Variants in VPS52 observed in about 807,000 individuals in gnomAD.
The protein encoded by VPS52 is vacuolar protein sorting-associated protein 52 homolog.
VPS52 carries 56 observed loss-of-function variants against 98.7 expected under a neutral mutation model. That is an observed-to-expected ratio of 0.57 (90% CI 0.46 to 0.71). The LOEUF is 0.71. Ranked by LOEUF, VPS52 falls within the 30% of genes least tolerant of loss-of-function variation. The pLI, the probability that VPS52 is intolerant of heterozygous loss-of-function variation, is 0.00. For missense variants in VPS52, 742 were observed against 925.9 expected (o/e 0.80, Z 2.58); for synonymous variants, 348 against 346.4 (o/e 1.00, Z -0.05).
chr6:33,271,127 T>A (rs1200427567), intron 1 of VPS52: 1 of 426,066 alleles, frequency 2.3e-6, no homozygotes, highest in Non-Finnish European at 4.2e-6. Context: ...TCAAAACACA[T>A]AGTGTTTACC....
At chr6:33,260,573 G>C (rs1445625837) in intron 17 of VPS52, among the ~76,000 whole-genome samples, 1 of 152,082 alleles carries the variant, frequency 6.6e-6, no homozygotes, top group African/African-American at 2.4e-5. Context: ...TCGTGCACAG[G>C]TACTCGTTGA....
At chr6:33,271,438 G>A (rs1765061028) in intron 1 of VPS52, 148 bp downstream of exon 1, 2 of 1,181,800 alleles carry the variant, frequency 1.7e-6, no homozygotes, top group African/African-American at 1.5e-5. Flanking sequence ...TCAGGGTCGG[G>A]TCTGATCACA....
chr6:33,257,423 G>A lies in VPS52; in HGVS notation c.1795-5452C>T, dbSNP rs1414221192. Among the ~76,000 whole-genome samples the A allele has an allele frequency of 4.0e-5, 6 of 149,636 alleles. No homozygotes were observed. In the East Asian group the frequency reaches 7.8e-4, roughly 19 times the overall value. On this transcript the variant is annotated intron_variant, in intron 17 of 19. Coordinates refer to ENST00000445902, the MANE Select transcript of VPS52 (RefSeq NM_022553.6). ...AATTTCATTTTTTTTTTTTTTAAACGGAGTCTCACTCTATCACCAGTCTGG... is the reference window on the plus strand; with the variant it reads ...AATTTCATTTTTTTTTTTTTTAAACAGAGTCTCACTCTATCACCAGTCTGG...
intron 1 of VPS52, 97 bp from the exon 2 acceptor site, chr6:33,270,380 C>T: frequency 8.7e-7 from 1 of 1,155,370 alleles, no homozygotes; most frequent in Non-Finnish European, 1.2e-6. Context: ...GAAGGAGCTG[C>T]TTTTACTGGG....
intron 17 of VPS52, among the ~76,000 whole-genome samples, chr6:33,259,557 C>T (rs1292120879): frequency 2.0e-5 from 3 of 151,940 alleles, no homozygotes; most frequent in Non-Finnish European, 4.4e-5. Context: ...ATCCCTAATC[C>T]AATAATCTGA....
At position 33,268,738 on chromosome 6, in the gene VPS52, C is replaced by A; in HGVS notation, c.549-89G>T. 7.2e-7 allele frequency: 1 copy of A among 1,397,598 alleles called. No individual in the cohort carries two copies. 86.6% of individuals were successfully genotyped at this position (1,397,598 alleles called of 1,614,324 possible). A position where few individuals can be genotyped will look rare whatever the true frequency, so the allele number is the denominator to read the frequency against. On this transcript the variant is annotated intron_variant, in intron 6 of 19. Coordinates refer to ENST00000445902, the MANE Select transcript of VPS52 (RefSeq NM_022553.6). The surrounding 1 kb of genome is among the most constrained non-coding windows in gnomAD (Gnocchi z 4.0). ...AGACCACACTCCTTACCTCCAGCCCCTGTCATCTCTACCACCTTGCATTGT... is the reference window on the plus strand; with the variant it reads ...AGACCACACTCCTTACCTCCAGCCCATGTCATCTCTACCACCTTGCATTGT...
At chr6:33,269,703 C>G (rs1764761521) in intron 4 of VPS52, 41 bp downstream of exon 4, 1 of 1,601,616 alleles carries the variant, frequency 6.2e-7, no homozygotes, top group African/African-American at 1.3e-5. Flanking sequence ...CACAAAATCC[C>G]CATGTCAATA....
chr6:33,254,714 C>T (rs112834320), intron 17 of VPS52: 1 of 151,844 alleles, frequency 6.6e-6, no homozygotes, highest in Non-Finnish European at 1.5e-5. Context: ...GCTCCATCAC[C>T]CACGCTGGAG....
In VPS52 at chr6:33,251,723, C is replaced by T; in HGVS notation, c.1907-87G>A. Reference sequence around the variant, plus strand: ...CTCCCCAAGGTATAGCCATCCTTATCATCAAACCCTCTTTTCTGGTATTCT... The same window carrying T: ...CTCCCCAAGGTATAGCCATCCTTATTATCAAACCCTCTTTTCTGGTATTCT... On this transcript the variant is annotated intron_variant, in intron 18 of 19. Coordinates refer to ENST00000445902, the MANE Select transcript of VPS52 (RefSeq NM_022553.6). 4.3e-6 allele frequency: 6 copies of T among 1,404,114 alleles called. No homozygotes were observed. The South Asian group carries it at 7.2e-5, about 17-fold the overall frequency. The allele number at this position is 1,404,114 out of a possible 1,614,324, so 87.0% of individuals were successfully genotyped here.
chr6:33,264,646 C>G (rs1764073935), intron 13 of VPS52, 136 bp downstream of exon 13: 1 of 1,415,922 alleles, frequency 7.1e-7, no homozygotes, highest in Non-Finnish European at 9.9e-7. Context: ...AAAAGCAGCA[C>G]TACTGCCTCC....
intron 15 of VPS52, 38 bp downstream of exon 15, chr6:33,263,956 ACCCACTGGAAGCAG>A: frequency 1.2e-6 from 2 of 1,613,460 alleles, no homozygotes; most frequent in Non-Finnish European, 1.7e-6. Context: ...CTCAGACTCC[ACCCACTGGAAGCAG>A]CCCTGCTGCT....
In VPS52 at chr6:33,269,076, C is replaced by T; in HGVS notation, c.486G>A (p.Gln162=). 1 of 1,612,950 alleles carries T rather than the reference C, an allele frequency of 6.2e-7. No homozygotes were observed. The highest frequency in any genetic ancestry group is 1.1e-5 in the South Asian group (1 of 91,064). Residue 162 remains glutamine (Q), a synonymous_variant, in exon 6 of 20, where the codon CAG becomes CAA. Transcript: ENST00000445902. ...GCTCCCCAAGTTTCCCCCGAACTGCCTGGCGATTTCGAAGTCGAATGTTCA... is the reference window on the plus strand; with the variant it reads ...GCTCCCCAAGTTTCCCCCGAACTGCTTGGCGATTTCGAAGTCGAATGTTCA... ...GAMNIRLRNR[Q]AVRGKLGELV... is the part of the protein sequence containing the mutation.
chr6:33,259,659 C>T (rs1331013337), intron 17 of VPS52, among the ~76,000 whole-genome samples: 1 of 151,928 alleles, frequency 6.6e-6, no homozygotes, highest in Non-Finnish European at 1.5e-5. Context: ...TTCAGATTTT[C>T]AGACTACAGA....
intron 17 of VPS52, among the ~76,000 whole-genome samples, chr6:33,254,135 G>A (rs1332378632): frequency 1.3e-5 from 2 of 152,082 alleles, no homozygotes; most frequent in Non-Finnish European, 2.9e-5. Context: ...TTAGCCAGGT[G>A]TGGTGGTGCA....
intron 17 of VPS52, among the ~76,000 whole-genome samples, chr6:33,253,185 G>C (rs1452225313): frequency 6.6e-6 from 1 of 152,102 alleles, no homozygotes; most frequent in Non-Finnish European, 1.5e-5. Context: ...ATCCTGATTT[G>C]AACCATAAAA....
intron 17 of VPS52, among the ~76,000 whole-genome samples, chr6:33,257,584 A>G (rs1763136616): frequency 6.6e-6 from 1 of 152,072 alleles, no homozygotes; most frequent in Non-Finnish European, 1.5e-5. Context: ...TATTTTTAGT[A>G]GAGACGAGGT....
At chr6:33,252,326 C>T (rs1463224665) in intron 17 of VPS52, among the ~76,000 whole-genome samples, 5 of 152,142 alleles carry the variant, frequency 3.3e-5, no homozygotes, top group Admixed American at 6.5e-5. Context: ...CAGTGGCTCA[C>T]GCCTGTAATC....
intron 17 of VPS52, among the ~76,000 whole-genome samples, chr6:33,252,527 T>G (rs1162255284): frequency 7.0e-6 from 1 of 143,748 alleles, no homozygotes; most frequent in African/African-American, 2.6e-5. Flanking sequence ...AGGCGGAGGT[T>G]GCAGTGAGCA....
intron 17 of VPS52, among the ~76,000 whole-genome samples, chr6:33,257,646 G>A (rs995843353): frequency 9.9e-5 from 15 of 152,086 alleles, no homozygotes; most frequent in African/African-American, 2.9e-4. Flanking sequence ...TAATCCACCC[G>A]CCTCAGCCTC....
Sources: gnomAD v4.1 joint callset for allele counts (sites outside exome capture counted in the v4.1 genomes callset) on GRCh38, gnomAD v4.1.1 for gene constraint, Gnocchi (gnomAD v3.1) non-coding constraint, MANE v1.5 for transcripts, NCBI Gene and HGNC (gene_info 2026-07-23, HGNC 2026-07-21) for gene names.